DIPK1A: variants seen among roughly 807,000 people sequenced by gnomAD.
The protein encoded by DIPK1A is divergent protein kinase domain 1A.
Under a neutral mutation model 40.8 loss-of-function variants are expected in DIPK1A, and 27 were observed. The observed-to-expected ratio is 0.66, with a 90% CI of 0.49 to 0.91. DIPK1A has a LOEUF of 0.91. DIPK1A is among the 40% of genes least tolerant of loss of function. The pLI is 0.00. For missense variants in DIPK1A, 412 were observed against 505.7 expected (o/e 0.81, Z 1.78); for synonymous variants, 166 against 171.3 (o/e 0.97, Z 0.24).
intron 1 of DIPK1A, among the ~76,000 whole-genome samples, chr1:92,951,416 T>C (rs549762567): frequency 3.1e-3 from 467 of 152,242 alleles, no homozygotes; most frequent in Non-Finnish European, 4.8e-3. Flanking sequence ...CTGGAAAGAA[T>C]CTGGAAGCCG....
chr1:92,895,112 C>A (rs1486971517), intron 1 of DIPK1A, among the ~76,000 whole-genome samples: 1 of 152,002 alleles, frequency 6.6e-6, no homozygotes, highest in Non-Finnish European at 1.5e-5. Flanking sequence ...TGAAACTATT[C>A]CAATCAATAG....
chr1:92,934,658 T>G (rs898411110), intron 1 of DIPK1A, among the ~76,000 whole-genome samples: 15 of 152,292 alleles, frequency 9.8e-5, no homozygotes, highest in South Asian at 8.3e-4. Flanking sequence ...TCAAAACATC[T>G]TGAAACATAG....
At chr1:92,850,406 T>C (rs189046909) in intron 3 of DIPK1A, among the ~76,000 whole-genome samples, 17 of 152,164 alleles carry the variant, frequency 1.1e-4, no homozygotes, top group Admixed American at 8.5e-4. Flanking sequence ...ACTGGCCAGG[T>C]GTGGTGGCTG....
Position 92,843,851 on chromosome 1 carries a change from T to C in DIPK1A, c.819A>G (p.Ile273Met). ...CATCTTCCACAAATTCTAGAAGTCCTATGGCTATTTTGGCCTTTCTTGGCC... is the reference window on the plus strand; with the variant it reads ...CATCTTCCACAAATTCTAGAAGTCCCATGGCTATTTTGGCCTTTCTTGGCC... ...PSWPRKAKIA[I>M]GLLEFVEDVF... is the part of the protein sequence containing the mutation. The change falls in exon 5 of 5, where the codon ATA becomes ATG. Residue 273 changes from isoleucine to methionine, a missense_variant. By Grantham distance (10) the Ile-to-Met change is conservative (BLOSUM62 1). Coordinates refer to ENST00000370310, the MANE Select transcript of DIPK1A (RefSeq NM_001006605.5). The C allele has an allele frequency of 5.8e-6, 9 of 1,551,812 alleles. No individual in the cohort carries two copies. The highest frequency in any genetic ancestry group is 7.0e-6 in the Non-Finnish European group (8 of 1,147,004).
intron 4 of DIPK1A, 37 bp downstream of exon 4, chr1:92,847,146 C>T (rs1301174558): frequency 8.0e-6 from 11 of 1,371,698 alleles, no homozygotes; most frequent in African/African-American, 1.5e-5. Context: ...TAAAGAGTCC[C>T]ACTTCACACT....
chr1:92,890,582 T>C (rs985676146), intron 1 of DIPK1A, among the ~76,000 whole-genome samples: 3 of 152,190 alleles, frequency 2.0e-5, no homozygotes, highest in African/African-American at 7.2e-5. Context: ...CCATAAGGTT[T>C]TTGTCTTTGG....
rs2244588 is a variant in DIPK1A, at chr1:92,843,241, G to A, written c.*142C>T. 1,318,099 of 1,428,596 alleles carry A rather than the reference G, an allele frequency of 0.92. 608,696 individuals are homozygous for A. Among genetic ancestry groups the A allele is most frequent in the East Asian group, 1 (38,861 of 38,868 alleles). 88.5% of individuals were successfully genotyped at this position (1,428,596 alleles called of 1,614,324 possible). On this transcript the variant is annotated 3_prime_UTR_variant, in exon 5 of 5. Coordinates refer to ENST00000370310, the MANE Select transcript of DIPK1A (RefSeq NM_001006605.5). Reference sequence around the variant, plus strand: ...ATCCTACACCTGCCATTACTTCAGTGATCACATACTGATGGCTTCTCAGGC... The same window carrying A: ...ATCCTACACCTGCCATTACTTCAGTAATCACATACTGATGGCTTCTCAGGC...
chr1:92,893,621 C>CA (rs1438573201), intron 1 of DIPK1A, among the ~76,000 whole-genome samples: 1 of 151,816 alleles, frequency 6.6e-6, no homozygotes, highest in Non-Finnish European at 1.5e-5. Flanking sequence ...CAGCTAACAT[C>CA]ATAATGACAG....
Position 92,917,869 on chromosome 1 carries a change from C to T in DIPK1A, c.55-41439G>A, listed in dbSNP as rs1248480196. ...AGATGAAAGGACAGGCTAAGATAGT[C>T]CCTGTGTAGTATGGACTGAGAGTAG... On this transcript the variant is annotated intron_variant, in intron 1 of 4. Transcript: ENST00000370310. Among the ~76,000 whole-genome samples the T allele has an allele frequency of 2.6e-5, 4 of 152,062 alleles. No individual in the cohort carries two copies. In the East Asian group the frequency reaches 7.7e-4, roughly 29 times the overall value.
chr1:92,957,721 T>A (rs753818636), intron 1 of DIPK1A, among the ~76,000 whole-genome samples: 6 of 152,264 alleles, frequency 3.9e-5, no homozygotes, highest in Non-Finnish European at 5.9e-5. Flanking sequence ...ATTTTTCAAC[T>A]GTTTTATGGA....
intron 1 of DIPK1A, among the ~76,000 whole-genome samples, chr1:92,926,385 A>G (rs1332795788): frequency 6.6e-6 from 1 of 152,182 alleles, no homozygotes. Flanking sequence ...ACTCTGTTAG[A>G]TCTCAATCTT....
At chr1:92,850,708 G>T in intron 3 of DIPK1A, 140 bp downstream of exon 3, 1 of 604,094 alleles carries the variant, frequency 1.7e-6, no homozygotes. Context: ...TCTGTTTAAT[G>T]AATGAATCAA....
intron 4 of DIPK1A, chr1:92,834,673 G>A (rs927654563): frequency 5.5e-6 from 8 of 1,466,082 alleles, no homozygotes; most frequent in Non-Finnish European, 6.6e-6. Context: ...TTTAAGTGAT[G>A]TTCATCTGTG....
chr1:92,855,860 A>C (rs1396178839), intron 2 of DIPK1A, among the ~76,000 whole-genome samples: 1 of 152,098 alleles, frequency 6.6e-6, no homozygotes, highest in Non-Finnish European at 1.5e-5. Context: ...AGGGTGAATC[A>C]CTTGAGTCCA....
rs1189482511 is a variant in DIPK1A, at chr1:92,833,036, T to G, written c.475-2A>C. The G allele has an allele frequency of 3.1e-5, 23 of 739,022 alleles. No homozygotes were observed. The highest frequency in any genetic ancestry group is 5.5e-5 in the Non-Finnish European group (22 of 403,552). The allele number at this position is 739,022 out of a possible 1,614,324, so 45.8% of individuals were successfully genotyped here. A position where few individuals can be genotyped will look rare whatever the true frequency, so the allele number is the denominator to read the frequency against. On this transcript the variant is annotated splice_acceptor_variant, in intron 4 of 4. Coordinates refer to the DIPK1A transcript ENST00000615519. LOFTEE classifies it high-confidence loss of function. ...TTGGCACAATTACCGGTGCTGGTCCTTGAAGAAACAAATATGGAAATTGAA... is the reference window on the plus strand; with the variant it reads ...TTGGCACAATTACCGGTGCTGGTCCGTGAAGAAACAAATATGGAAATTGAA...
At chr1:92,863,738 GA>G (rs1235196515) in intron 2 of DIPK1A, among the ~76,000 whole-genome samples, 3 of 151,976 alleles carry the variant, frequency 2.0e-5, no homozygotes, top group Non-Finnish European at 4.4e-5. Context: ...TTCTTAAAAG[GA>G]AAAAAGCTTG....
chr1:92,959,302 G>GAATA (rs1219239468), intron 1 of DIPK1A, among the ~76,000 whole-genome samples: 17 of 151,670 alleles, frequency 1.1e-4, no homozygotes, highest in African/African-American at 1.7e-4. Flanking sequence ...ATAAATAAAT[G>GAATA]AATAAATAAA....
rs188114104 is a variant in DIPK1A at position 92,843,665 on chromosome 1, C to T, written c.1005G>A (p.Leu335=). ...LIKDRHCESD[L]DCVYGTDCRT... is the part of the protein sequence containing the mutation. Reference sequence around the variant, plus strand: ...TACAATCTGTGCCATAGACACAGTCCAAATCAGACTCACAGTGACGATCCT... The same window carrying T: ...TACAATCTGTGCCATAGACACAGTCTAAATCAGACTCACAGTGACGATCCT... Residue 335 remains leucine (L), a synonymous_variant, in exon 5 of 5, where the codon TTG becomes TTA. Transcript: ENST00000370310. 6.4e-7 allele frequency: 1 copy of T among 1,551,720 alleles called. No individual in the cohort carries two copies. The highest frequency in any genetic ancestry group is 2.0e-5 in the Admixed American group (1 of 51,006).
At chr1:92,838,536 T>G (rs568434527), downstream of DIPK1A, among the ~76,000 whole-genome samples, 2 of 152,354 alleles carry the variant, frequency 1.3e-5, no homozygotes, top group Admixed American at 1.3e-4. Context: ...ATATGTGCCT[T>G]CCTTCAGCTA....
Sources: gnomAD v4.1 joint callset for allele counts (sites outside exome capture counted in the v4.1 genomes callset) on GRCh38, gnomAD v4.1.1 for gene constraint, MANE v1.5 for transcripts, NCBI Gene and HGNC (gene_info 2026-07-23, HGNC 2026-07-21) for gene names.